MED12L: variants seen among roughly 807,000 people sequenced by gnomAD.
The protein encoded by MED12L is mediator complex subunit 12L.
Under a neutral mutation model 281.3 loss-of-function variants are expected in MED12L, and 60 were observed. The observed-to-expected ratio is 0.21, with a 90% CI of 0.17 to 0.26. The LOEUF (loss-of-function observed/expected upper bound fraction) is 0.26, where lower values mean the gene tolerates loss of function less well. Among genes scored for constraint, MED12L ranks in the 10% least tolerant of loss-of-function variants. MED12L has a pLI of 1.00. For missense variants in MED12L, 2,146 were observed against 2,680.9 expected (o/e 0.80, Z 4.41); for synonymous variants, 974 against 987.2 (o/e 0.99, Z 0.25).
chr3:151,171,888 TCTC>T (rs1166353444), intron 11 of MED12L, among the ~76,000 whole-genome samples: 1 of 152,136 alleles, frequency 6.6e-6, no homozygotes, highest in Admixed American at 6.5e-5. Context: ...TGTTTCTTCT[TCTC>T]CTCACCTTAT....
chr3:151,176,402 A>T (rs1426989246), intron 11 of MED12L, among the ~76,000 whole-genome samples: 1 of 152,192 alleles, frequency 6.6e-6, no homozygotes, highest in African/African-American at 2.4e-5. Context: ...TACGTTTCAA[A>T]TATCTTTTGG....
intron 2 of MED12L, among the ~76,000 whole-genome samples, chr3:151,099,031 A>G (rs1721080409): frequency 6.6e-6 from 1 of 152,186 alleles, no homozygotes; most frequent in South Asian, 2.1e-4. Flanking sequence ...CTCTCATGAG[A>G]TTACTACCAA....
chr3:151,159,708 G>A (rs760464420), intron 7 of MED12L, 124 bp from the exon 8 acceptor site: 1 of 864,292 alleles, frequency 1.2e-6, no homozygotes, highest in Admixed American at 2.4e-5. Flanking sequence ...CTATTGGACA[G>A]CACTTGCTTT....
At chr3:151,401,202 A>T (rs1715629227) in intron 39 of MED12L, among the ~76,000 whole-genome samples, 1 of 151,084 alleles carries the variant, frequency 6.6e-6, no homozygotes, top group Admixed American at 6.6e-5. Flanking sequence ...ATCCTGTTGG[A>T]TGTTATTTCA....
intron 16 of MED12L, among the ~76,000 whole-genome samples, chr3:151,293,226 T>A (rs1744499858): frequency 1.3e-5 from 2 of 152,218 alleles, no homozygotes; most frequent in African/African-American, 4.8e-5. Context: ...GCTCTCATTT[T>A]TGCTCATTTG....
At chr3:151,419,748 C>T (rs1009673744) in intron 43 of MED12L, among the ~76,000 whole-genome samples, 2 of 152,168 alleles carry the variant, frequency 1.3e-5, no homozygotes, top group African/African-American at 4.8e-5. Context: ...ATCCTTCCTG[C>T]AACCGGAAAC....
chr3:151,373,061 T>C (rs1271097288), intron 27 of MED12L, among the ~76,000 whole-genome samples: 1 of 152,218 alleles, frequency 6.6e-6, no homozygotes, highest in Non-Finnish European at 1.5e-5. Context: ...AGATTGTATA[T>C]TTTATTCTTT....
intron 14 of MED12L, among the ~76,000 whole-genome samples, chr3:151,191,587 C>T (rs370621315): frequency 4.6e-5 from 7 of 152,132 alleles, no homozygotes; most frequent in East Asian, 1.9e-4. Flanking sequence ...TAGAAAATGA[C>T]GAGAACTTGA....
Position 151,185,338 on chromosome 3 carries a change from C to T in MED12L, c.1503C>T (p.Pro501=), listed in dbSNP as rs777537929. 1.5e-5 allele frequency: 25 copies of T among 1,613,302 alleles called. No homozygotes were observed. Among genetic ancestry groups the T allele is most frequent in the Non-Finnish European group, 1.9e-5 (22 of 1,179,734 alleles). Residue 501 remains proline, a synonymous_variant, in exon 12 of 45, where the codon CCC becomes CCT. Transcript: ENST00000687756. ...NQNKDNQEVA[P]NDEAVVTLLC... ...TCTCTGTTGGTCATTAGGTTGCGCC[C>T]AACGATGAAGCTGTGGTGACGCTGT...
intron 2 of MED12L, among the ~76,000 whole-genome samples, chr3:151,096,998 AG>A (rs1560041868): frequency 6.6e-6 from 1 of 152,308 alleles, no homozygotes; most frequent in East Asian, 1.9e-4. Context: ...TTTCCTGGGC[AG>A]GGGGAAGAAT....
At chr3:151,284,584 A>G (rs1743219575) in intron 16 of MED12L, among the ~76,000 whole-genome samples, 1 of 152,124 alleles carries the variant, frequency 6.6e-6, no homozygotes, top group Non-Finnish European at 1.5e-5. Flanking sequence ...AGTGAGGCCA[A>G]ATTTTTTATG....
intron 39 of MED12L, among the ~76,000 whole-genome samples, chr3:151,407,682 C>A (rs1015965412): frequency 2.0e-5 from 3 of 152,146 alleles, no homozygotes; most frequent in Non-Finnish European, 4.4e-5. Flanking sequence ...AATGGAGATA[C>A]AATTGTTTTT....
intron 16 of MED12L, among the ~76,000 whole-genome samples, chr3:151,242,130 T>C (rs1037450982): frequency 9.2e-5 from 14 of 152,070 alleles, no homozygotes; most frequent in African/African-American, 1.4e-4. Context: ...CCTACGCCCA[T>C]GGAGTCTCGC....
chr3:151,303,744 CAGGGTGAGACTCCGTCTCA>C (rs1409486673), intron 16 of MED12L, among the ~76,000 whole-genome samples: 1 of 152,100 alleles, frequency 6.6e-6, no homozygotes, highest in Non-Finnish European at 1.5e-5. Context: ...GCCTGGATGA[CAGGGTGAGACTCCGTCTCA>C]AAACAAACAA....
intron 16 of MED12L, among the ~76,000 whole-genome samples, chr3:151,348,340 CAAAAAAAA>C (rs11382065): frequency 1.1e-5 from 1 of 87,816 alleles, no homozygotes. Flanking sequence ...ACCACCAGAC[CAAAAAAAA>C]AAAAAAAAAA....
intron 16 of MED12L, among the ~76,000 whole-genome samples, chr3:151,247,618 C>G (rs57035412): frequency 0.52 from 55,535 of 106,158 alleles, 12,910 homozygotes; most frequent in Middle Eastern, 0.68. Context: ...GTTGTGGGGT[C>G]GGGGAGGGGG....
chr3:151,157,424 A>G (rs1016616192), intron 6 of MED12L, among the ~76,000 whole-genome samples: 14 of 152,294 alleles, frequency 9.2e-5, no homozygotes, highest in Admixed American at 7.2e-4. Context: ...CAAAGCATCT[A>G]CAGGATGGAC....
At position 151,428,913 on chromosome 3, in the gene MED12L, C is replaced by T. The variant is rs754101605; in HGVS notation, c.6409-1386C>T. On this transcript the variant is annotated intron_variant, in intron 43 of 44. Transcript: ENST00000687756. ...TATTTGAAAATCACATTTAACTGGA[C>T]GTGCTGCGTTTTTATTTGCTAAATC... Among the ~76,000 whole-genome samples the T allele has an allele frequency of 2.4e-4, 36 of 152,318 alleles. 1 individual carries two copies. Among genetic ancestry groups the T allele is most frequent in the Admixed American group, 1.8e-3 (28 of 15,298 alleles).
intron 5 of MED12L, among the ~76,000 whole-genome samples, chr3:151,134,534 G>T (rs955743375): frequency 6.6e-6 from 1 of 152,166 alleles, no homozygotes; most frequent in African/African-American, 2.4e-5. Flanking sequence ...GGTATTTGCA[G>T]TATGAGTAGG....
Sources: allele counts gnomAD v4.1 joint callset (sites outside exome capture counted in the v4.1 genomes callset), GRCh38; gene constraint gnomAD v4.1.1; transcripts MANE v1.5; gene names NCBI Gene and HGNC (gene_info 2026-07-23, HGNC 2026-07-21).